The following LRP1B variants were observed in gnomAD, a reference collection of about 807,000 sequenced individuals.
The protein encoded by LRP1B is low-density lipoprotein receptor-related protein 1B.
LRP1B carries 217 observed loss-of-function variants against 556.6 expected under a neutral mutation model. The ratio of observed to expected loss-of-function variants is 0.39; its 90% confidence interval spans 0.35 to 0.44. LRP1B has a LOEUF of 0.44. LRP1B is among the 20% of genes least tolerant of loss of function. LRP1B has a pLI of 1.00. For missense variants in LRP1B, 5,053 were observed against 5,620.8 expected (o/e 0.90, Z 3.23); for synonymous variants, 2,047 against 1,865.8 (o/e 1.10, Z -2.50).
At chr2:141,893,393 G>A (rs1323105272) in intron 1 of LRP1B, among the ~76,000 whole-genome samples, 1 of 152,106 alleles carries the variant, frequency 6.6e-6, no homozygotes, top group Non-Finnish European at 1.5e-5. Flanking sequence ...TAGAGCCGGA[G>A]TTTTACCATG....
chr2:141,816,162 G>A (rs972687643), intron 1 of LRP1B, among the ~76,000 whole-genome samples: 6 of 152,254 alleles, frequency 3.9e-5, no homozygotes, highest in African/African-American at 1.4e-4. Context: ...AATCCCTTGG[G>A]AAAATATGCA....
intron 2 of LRP1B, among the ~76,000 whole-genome samples, chr2:141,721,033 T>TGCC (rs1212795270): frequency 5.9e-5 from 9 of 152,138 alleles, no homozygotes; most frequent in Non-Finnish European, 1.5e-5. Flanking sequence ...ATGCACTGGC[T>TGCC]GCCATTCATA....
intron 7 of LRP1B, among the ~76,000 whole-genome samples, chr2:141,117,162 G>T (rs1700925960): frequency 6.6e-6 from 1 of 150,884 alleles, no homozygotes; most frequent in African/African-American, 2.4e-5. Context: ...TATAACTGAA[G>T]TGATTTCTTC....
chr2:140,372,011 A>T (rs1240596742), intron 69 of LRP1B, among the ~76,000 whole-genome samples: 2 of 152,096 alleles, frequency 1.3e-5, no homozygotes, highest in Non-Finnish European at 2.9e-5. Flanking sequence ...AATACTACCC[A>T]GTCTAATTAA....
intron 27 of LRP1B, among the ~76,000 whole-genome samples, chr2:140,863,158 G>GTA (rs142910004): frequency 0.019 from 2,808 of 151,282 alleles, 79 homozygotes; most frequent in African/African-American, 0.063. Flanking sequence ...CTGTGTGTGT[G>GTA]TATATATATA....
chr2:140,285,095 C>G (rs1683084367), intron 84 of LRP1B, among the ~76,000 whole-genome samples: 1 of 149,416 alleles, frequency 6.7e-6, no homozygotes, highest in African/African-American at 2.5e-5. Flanking sequence ...CCCTATATCT[C>G]TCTCTCTATA....
intron 1 of LRP1B, among the ~76,000 whole-genome samples, chr2:141,816,813 A>G (rs1696569744): frequency 6.6e-6 from 1 of 151,970 alleles, no homozygotes; most frequent in African/African-American, 2.4e-5. Flanking sequence ...CAGGAATAAG[A>G]TAGACTTAAT....
chr2:141,032,270 C>T (rs1698393964), intron 11 of LRP1B, among the ~76,000 whole-genome samples: 1 of 152,036 alleles, frequency 6.6e-6, no homozygotes, highest in East Asian at 1.9e-4. Context: ...ATGCATCATG[C>T]CTCATCTGAT....
intron 35 of LRP1B, among the ~76,000 whole-genome samples, chr2:140,739,730 T>C (rs984711643): frequency 6.6e-6 from 1 of 152,154 alleles, no homozygotes; most frequent in Non-Finnish European, 1.5e-5. Context: ...ATTTAAACAA[T>C]AGAAACTTAT....
chr2:140,844,155 G>C (rs902762849), intron 29 of LRP1B, among the ~76,000 whole-genome samples: 1 of 151,778 alleles, frequency 6.6e-6, no homozygotes, highest in Non-Finnish European at 1.5e-5. Flanking sequence ...TCTGCCTCCT[G>C]AGTTCAAGCA....
chr2:140,651,948 T>C (rs1013571847), intron 41 of LRP1B, among the ~76,000 whole-genome samples: 2 of 152,132 alleles, frequency 1.3e-5, no homozygotes, highest in African/African-American at 4.8e-5. Flanking sequence ...TTCTAAAGGC[T>C]TAGGAAAACA....
chr2:141,009,790 T>C (rs143708433), intron 14 of LRP1B, among the ~76,000 whole-genome samples: 48 of 152,138 alleles, frequency 3.2e-4, no homozygotes, highest in Non-Finnish European at 5.4e-4. Context: ...AAAATTACAA[T>C]GACCAAAAAA....
At chr2:142,018,645 A>C (rs1052683410) in intron 1 of LRP1B, among the ~76,000 whole-genome samples, 1 of 152,154 alleles carries the variant, frequency 6.6e-6, no homozygotes, top group Non-Finnish European at 1.5e-5. Context: ...GACATAAAAA[A>C]TTTTATTTGC....
chr2:141,186,334 G>T (rs1479357644), intron 7 of LRP1B, among the ~76,000 whole-genome samples: 1 of 150,462 alleles, frequency 6.6e-6, no homozygotes, highest in Non-Finnish European at 1.5e-5. Flanking sequence ...CCTTTAGTAG[G>T]TCATGTGCAG....
At chr2:141,666,600 A>G (rs1690446848) in intron 2 of LRP1B, among the ~76,000 whole-genome samples, 1 of 152,182 alleles carries the variant, frequency 6.6e-6, no homozygotes, top group Non-Finnish European at 1.5e-5. Flanking sequence ...GCTATGGATG[A>G]TTCAGGCTGA....
chr2:141,200,612 T>A (rs1681966908), intron 6 of LRP1B, among the ~76,000 whole-genome samples: 1 of 152,130 alleles, frequency 6.6e-6, no homozygotes. Flanking sequence ...TATCCCCCTA[T>A]ATGTACACAC....
Position 141,555,059 on chromosome 2 carries a change from C to T in LRP1B, c.206-74526G>A, listed in dbSNP as rs114597242. ...AGTCCCAAAGGGGAAGATGCCCAGA[C>T]GTTCAACTTCCACTAGCTGTGATGC... is the stretch of plus-strand genomic sequence containing the variant. On this transcript the variant is annotated intron_variant, in intron 2 of 90. Transcript: ENST00000389484. Among the ~76,000 whole-genome samples the T allele has an allele frequency of 9.1e-3, 1,383 of 152,108 alleles. 25 individuals carry two copies. The highest frequency in any genetic ancestry group is 0.032 in the African/African-American group (1,311 of 41,522).
At chr2:140,236,367 C>A (rs1287569511) in intron 89 of LRP1B, among the ~76,000 whole-genome samples, 1 of 150,518 alleles carries the variant, frequency 6.6e-6, no homozygotes, top group Non-Finnish European at 1.5e-5. Context: ...TTTTGTAAGT[C>A]AGAAAAATAA....
chr2:141,190,173 C>T (rs1389859510), intron 6 of LRP1B, among the ~76,000 whole-genome samples: 2 of 151,872 alleles, frequency 1.3e-5, no homozygotes, highest in African/African-American at 4.8e-5. Flanking sequence ...AAACCCACAC[C>T]TTTATTGTTT....
Sources: allele counts gnomAD v4.1 joint callset (sites outside exome capture counted in the v4.1 genomes callset), GRCh38; gene constraint gnomAD v4.1.1; transcripts MANE v1.5; gene names NCBI Gene and HGNC (gene_info 2026-07-23, HGNC 2026-07-21).